Variants in ZC3H3 observed in about 807,000 individuals in gnomAD.
The protein encoded by ZC3H3 is zinc finger CCCH domain-containing protein 3.
In ZC3H3, 36 loss-of-function variants were observed where a neutral mutation model predicts 77.3. The observed-to-expected ratio is 0.47, with a 90% CI of 0.36 to 0.61. The LOEUF (loss-of-function observed/expected upper bound fraction) is 0.61. Among genes scored for constraint, ZC3H3 ranks in the 20% least tolerant of loss-of-function variants. The probability of loss-of-function intolerance (pLI) is 0.00; values close to 1 mark genes in which losing one functional copy is unlikely to be tolerated. For missense variants in ZC3H3, 1,331 were observed against 1,312.2 expected (o/e 1.01, Z -0.22); for synonymous variants, 626 against 555.2 (o/e 1.13, Z -1.79).
At position 143,523,325 on chromosome 8, in the gene ZC3H3, G is replaced by A. The variant is rs62521944; in HGVS notation, c.1561+12932C>T. ...CGATGAAACCAAGCTCACCTGCAGC[G>A]CCAGCGGCTCAGAGCCAGATGGGGG... On this transcript the variant is annotated intron_variant, in intron 3 of 11. Coordinates refer to ENST00000262577, the MANE Select transcript of ZC3H3 (RefSeq NM_015117.3). 1.3e-3 allele frequency: 1,302 copies of A among 985,418 alleles called. 1 individual carries two copies. Among genetic ancestry groups the A allele is most frequent in the African/African-American group, 1.8e-3 (104 of 57,346 alleles). 61.0% of individuals were successfully genotyped at this position (985,418 alleles called of 1,614,324 possible). A position where few individuals can be genotyped will look rare whatever the true frequency, so the allele number is the denominator to read the frequency against.
intron 9 of ZC3H3, among the ~76,000 whole-genome samples, chr8:143,458,016 A>C (rs757933507): frequency 6.6e-6 from 1 of 152,230 alleles, no homozygotes; most frequent in Non-Finnish European, 1.5e-5. Flanking sequence ...GAAAACAGAA[A>C]ACCAAAAGAG....
Position 143,488,957 on chromosome 8 carries a change from T to C in ZC3H3, c.1716-13372A>G, listed in dbSNP as rs554853966. Among the ~76,000 whole-genome samples the C allele has an allele frequency of 4.6e-5, 7 of 152,356 alleles. No homozygotes were observed. In the South Asian group the frequency reaches 1.5e-3, roughly 32 times the overall value. ...ACCCTCCTCAGATCCGCTGTCCATG[T>C]TTCTGCCCGTGGCTGCTGACGCTGA... On this transcript the variant is annotated intron_variant, in intron 4 of 11. Coordinates refer to ENST00000262577, the MANE Select transcript of ZC3H3 (RefSeq NM_015117.3).
intron 4 of ZC3H3, among the ~76,000 whole-genome samples, chr8:143,478,777 CG>C (rs1482655107): frequency 6.6e-6 from 1 of 152,168 alleles, no homozygotes; most frequent in African/African-American, 2.4e-5. Context: ...CCCAAAGTGC[CG>C]GGATTACAGG....
At chr8:143,509,287 C>T (rs1821802162) in intron 3 of ZC3H3, among the ~76,000 whole-genome samples, 1 of 152,258 alleles carries the variant, frequency 6.6e-6, no homozygotes, top group Admixed American at 6.5e-5. Flanking sequence ...CTTGTTTCAA[C>T]TAAGCGCTGG....
At chr8:143,452,045 G>A (rs1820000696) in intron 9 of ZC3H3, among the ~76,000 whole-genome samples, 1 of 152,198 alleles carries the variant, frequency 6.6e-6, no homozygotes, top group Admixed American at 6.5e-5. Context: ...AATGCCCAGA[G>A]GCACAGGCAA....
At chr8:143,473,421 T>C (rs1820635766) in intron 5 of ZC3H3, among the ~76,000 whole-genome samples, 1 of 152,132 alleles carries the variant, frequency 6.6e-6, no homozygotes, top group African/African-American at 2.4e-5. Flanking sequence ...TCTTCACTGG[T>C]GTTCAGCCCA....
intron 9 of ZC3H3, among the ~76,000 whole-genome samples, chr8:143,449,267 G>C (rs1819930661): frequency 6.6e-6 from 1 of 152,124 alleles, no homozygotes; most frequent in Non-Finnish European, 1.5e-5. Flanking sequence ...CCTGAAAATG[G>C]GCTTTTCTTT....
At chr8:143,464,894 G>A (rs914275148) in intron 9 of ZC3H3, among the ~76,000 whole-genome samples, 5 of 152,174 alleles carry the variant, frequency 3.3e-5, no homozygotes, top group African/African-American at 1.2e-4. Context: ...GAGCCCCCAG[G>A]GCGGGGAGAG....
intron 4 of ZC3H3, among the ~76,000 whole-genome samples, chr8:143,488,553 C>T (rs1821109789): frequency 6.7e-6 from 1 of 149,322 alleles, no homozygotes; most frequent in African/African-American, 2.6e-5. Context: ...TACACGGCCC[C>T]ATCACCACGA....
At chr8:143,492,247 C>G (rs1038912275) in intron 4 of ZC3H3, among the ~76,000 whole-genome samples, 1 of 152,142 alleles carries the variant, frequency 6.6e-6, no homozygotes, top group Non-Finnish European at 1.5e-5. Flanking sequence ...TCCAGGCGCC[C>G]CCTCCTCACC....
chr8:143,468,095 G>A, intron 8 of ZC3H3, 114 bp downstream of exon 8: 1 of 1,291,308 alleles, frequency 7.7e-7, no homozygotes, highest in South Asian at 1.4e-5. Context: ...GCCAGGGCAG[G>A]GATCTGCATG....
At position 143,440,304 on chromosome 8, in the gene ZC3H3, G is replaced by C. The variant is rs141703643; in HGVS notation, c.2552C>G (p.Ala851Gly). ...RQTPSSAALTAAAVAAPPHCP... is the reference protein window; with the variant it reads ...RQTPSSAALTGAAVAAPPHCP... ...GTGGGGAGGTGCAGCCACGGCAGCCGCAGTGAGGGCAGCCGAGCTGGGCGT... is the reference window on the plus strand; with the variant it reads ...GTGGGGAGGTGCAGCCACGGCAGCCCCAGTGAGGGCAGCCGAGCTGGGCGT... The change falls in exon 11 of 12, where the codon GCG (alanine) becomes GGG (glycine). Residue 851 changes from alanine (A) to glycine (G), a missense_variant. Physicochemically the swap from Ala to Gly is moderately conservative, Grantham distance 60. Coordinates refer to ENST00000262577, the MANE Select transcript of ZC3H3 (RefSeq NM_015117.3). 3.2e-6 allele frequency: 5 copies of C among 1,560,986 alleles called. No individual in the cohort carries two copies. The African/African-American group carries it at 6.7e-5, about 21-fold the overall frequency.
rs776857943 is a variant in ZC3H3 at position 143,475,563 on chromosome 8, G to A, written c.1738C>T (p.Arg580Cys). 38 of 1,604,612 alleles carry A rather than the reference G, an allele frequency of 2.4e-5. No individual in the cohort carries two copies. The highest frequency in any genetic ancestry group is 5.1e-5 in the Admixed American group (3 of 58,528). ...TTCCCACCCCCGCTGGCAACTGGAC[G>A]CAGGCGGTTCAGCACCAGGGACCTG... ...LSRSLVLNRLRPVASGGGKAQ... is the reference protein window; with the variant it reads ...LSRSLVLNRLCPVASGGGKAQ... Residue 580 changes from arginine (R) to cysteine (C), a missense_variant, in exon 5 of 12, where the codon CGT (arginine) becomes TGT (cysteine). Arg to Cys is a radical substitution (Grantham distance 180, BLOSUM62 -3). Transcript: ENST00000262577.
intron 4 of ZC3H3, among the ~76,000 whole-genome samples, chr8:143,496,019 G>A (rs140540994): frequency 4.1e-4 from 63 of 152,274 alleles, no homozygotes; most frequent in Non-Finnish European, 6.3e-4. Context: ...GCTTTGCTCC[G>A]TGGTATCTGT....
intron 5 of ZC3H3, among the ~76,000 whole-genome samples, chr8:143,473,147 G>A (rs1820624146): frequency 6.6e-6 from 1 of 152,150 alleles, no homozygotes; most frequent in Non-Finnish European, 1.5e-5. Context: ...GTGACTACCG[G>A]GAGCTTTCTG....
intron 11 of ZC3H3, 77 bp from the exon 12 acceptor site, chr8:143,438,164 G>A (rs1819634246): frequency 1.3e-6 from 2 of 1,547,094 alleles, no homozygotes; most frequent in African/African-American, 1.4e-5. Context: ...TCCTGATCGG[G>A]CTCAGGATCG....
intron 4 of ZC3H3, among the ~76,000 whole-genome samples, chr8:143,498,950 A>G (rs1821442460): frequency 7.1e-6 from 1 of 140,056 alleles, no homozygotes; most frequent in Admixed American, 7.0e-5. Flanking sequence ...TGCAGGGGGT[A>G]CAGGGCGGGG....
At chr8:143,463,857 CCT>C (rs1159882086) in intron 9 of ZC3H3, among the ~76,000 whole-genome samples, 1 of 152,238 alleles carries the variant, frequency 6.6e-6, no homozygotes, top group Non-Finnish European at 1.5e-5. Context: ...GAGGTTGACC[CCT>C]GAGCCACAGC....
intron 4 of ZC3H3, among the ~76,000 whole-genome samples, chr8:143,486,834 C>T (rs1358945119): frequency 1.5e-5 from 2 of 133,076 alleles, no homozygotes; most frequent in Admixed American, 7.6e-5. Context: ...CACAGAACAG[C>T]ACCCGCTACA....
Sources: gnomAD v4.1 joint callset for allele counts (sites outside exome capture counted in the v4.1 genomes callset) on GRCh38, gnomAD v4.1.1 for gene constraint, MANE v1.5 for transcripts, NCBI Gene and HGNC (gene_info 2026-07-23, HGNC 2026-07-21) for gene names.